PHACTR1: variants seen among roughly 807,000 people sequenced by gnomAD.
PHACTR1 encodes the protein RPEL repeat containing 1.
Under a neutral mutation model 69.2 loss-of-function variants are expected in PHACTR1, and 16 were observed. The observed-to-expected ratio is 0.23, with a 90% confidence interval of 0.16 to 0.35. The LOEUF is 0.35. PHACTR1 is among the 10% of genes least tolerant of loss of function. The pLI is 1.00. For missense variants in PHACTR1, 510 were observed against 734.7 expected (o/e 0.69, Z 3.54); for synonymous variants, 312 against 284.5 (o/e 1.10, Z -0.97).
chr6:12,977,390 A>T lies in PHACTR1; in HGVS notation c.251-75975A>T, dbSNP rs945155578. The stretch of plus-strand genomic sequence containing the variant: ...TTCTCTCTCTCTCTTTCACACACAC[A>T]CACACACACACACACAACACATTTA... On this transcript the variant is annotated intron_variant, in intron 4 of 14. Transcript: ENST00000332995. Among the ~76,000 whole-genome samples, 3 of 151,902 alleles carry T rather than the reference A, an allele frequency of 2.0e-5. No individual in the cohort carries two copies. In the East Asian group the frequency reaches 5.8e-4, roughly 29 times the overall value.
rs1767043629 is a variant in PHACTR1 at position 13,212,682 on chromosome 6, C to G, written c.986+6546C>G. The stretch of plus-strand genomic sequence containing the variant: ...TCCCCTCTCTGTTGCTCCCTCCTCC[C>G]TCACACAGCGGCCTTCCCACCATTC... On this transcript the variant is annotated intron_variant, in intron 8 of 14. Transcript: ENST00000332995. 2.0e-5 allele frequency among the ~76,000 whole-genome samples: 3 copies of G among 152,192 alleles called. No individual in the cohort carries two copies. The South Asian group carries it at 6.2e-4, about 32-fold the overall frequency.
chr6:12,800,533 A>AG (rs1197418800), intron 4 of PHACTR1, among the ~76,000 whole-genome samples: 2 of 152,158 alleles, frequency 1.3e-5, no homozygotes, highest in Non-Finnish European at 2.9e-5. Context: ...AGAGTTCATT[A>AG]GGGAAGTCAT....
chr6:13,053,064 C>A (rs1443665263), intron 4 of PHACTR1, among the ~76,000 whole-genome samples: 11 of 152,296 alleles, frequency 7.2e-5, no homozygotes. Context: ...GGTGGCCTCT[C>A]CCTGTTTTGG....
chr6:12,944,777 A>ATTTTTTTTTTTTTTTT (rs757721726), intron 4 of PHACTR1, among the ~76,000 whole-genome samples: 5 of 135,832 alleles, frequency 3.7e-5, no homozygotes, highest in African/African-American at 1.4e-4. Flanking sequence ...TTATTTATTT[A>ATTTTTTTTTTTTTTTT]TTTTTATTTA....
At chr6:12,757,382 AC>A (rs1157305962) in intron 4 of PHACTR1, among the ~76,000 whole-genome samples, 3 of 152,142 alleles carry the variant, frequency 2.0e-5, no homozygotes, top group African/African-American at 7.2e-5. Flanking sequence ...GATTTGGTGG[AC>A]CTTGCAAAGA....
chr6:12,772,728 G>T (rs1208466647), intron 4 of PHACTR1, among the ~76,000 whole-genome samples: 1 of 152,130 alleles, frequency 6.6e-6, no homozygotes, highest in East Asian at 1.9e-4. Context: ...TGTAAGATCC[G>T]CACTTCCGAC....
chr6:12,964,386 T>C, intron 4 of PHACTR1, among the ~76,000 whole-genome samples: 1 of 152,170 alleles, frequency 6.6e-6, no homozygotes, highest in East Asian at 1.9e-4. Context: ...GCTTTAGAGA[T>C]GTTTTTAACC....
chr6:13,171,790 G>A (rs1466776438), intron 6 of PHACTR1, among the ~76,000 whole-genome samples: 2 of 151,882 alleles, frequency 1.3e-5, no homozygotes, highest in African/African-American at 4.8e-5. Context: ...TTTTTAGATG[G>A]AGTTTCACTC....
intron 4 of PHACTR1, among the ~76,000 whole-genome samples, chr6:13,020,577 G>A (rs889009283): frequency 4.6e-5 from 7 of 152,174 alleles, no homozygotes; most frequent in Non-Finnish European, 7.3e-5. Flanking sequence ...AGGATGAATA[G>A]GGTTGGGCTG....
At chr6:12,856,438 A>G (rs1201277508) in intron 4 of PHACTR1, among the ~76,000 whole-genome samples, 1 of 151,960 alleles carries the variant, frequency 6.6e-6, no homozygotes, top group Admixed American at 6.5e-5. Context: ...TATTTTTAGT[A>G]GATGCGGTGT....
At chr6:13,212,042 T>C (rs1034030950) in intron 8 of PHACTR1, among the ~76,000 whole-genome samples, 3 of 152,330 alleles carry the variant, frequency 2.0e-5, no homozygotes, top group South Asian at 2.1e-4. Context: ...CTTCTTGGCT[T>C]GTAGGTGGTG....
At chr6:13,035,246 A>G (rs1803138180) in intron 4 of PHACTR1, among the ~76,000 whole-genome samples, 2 of 152,230 alleles carry the variant, frequency 1.3e-5, no homozygotes, top group South Asian at 4.1e-4. Context: ...TCCATTTTTC[A>G]TTAGACTGCC....
intron 4 of PHACTR1, among the ~76,000 whole-genome samples, chr6:12,908,365 T>C (rs936214387): frequency 3.3e-5 from 5 of 152,180 alleles, no homozygotes; most frequent in African/African-American, 4.8e-5. Flanking sequence ...CTGCCTATTA[T>C]AGATGAAGCA....
At chr6:13,120,495 C>A (rs1188667125) in intron 5 of PHACTR1, among the ~76,000 whole-genome samples, 1 of 152,190 alleles carries the variant, frequency 6.6e-6, no homozygotes, top group Non-Finnish European at 1.5e-5. Context: ...CCACTTCTGT[C>A]TTCACAGGGT....
intron 4 of PHACTR1, among the ~76,000 whole-genome samples, chr6:13,013,830 C>G (rs1582963850): frequency 6.8e-6 from 1 of 147,870 alleles, no homozygotes; most frequent in African/African-American, 2.5e-5. Flanking sequence ...CCGAGGGGCG[C>G]GAGTGGCAGC....
intron 7 of PHACTR1, 109 bp downstream of exon 7, chr6:13,182,795 C>T (rs774334153): frequency 5.7e-4 from 631 of 1,108,340 alleles, no homozygotes; most frequent in Non-Finnish European, 6.6e-4. Context: ...CTATCCTGAG[C>T]GTAAGGATCT....
chr6:12,844,751 GAA>G (rs916526476), intron 4 of PHACTR1, among the ~76,000 whole-genome samples: 2 of 149,908 alleles, frequency 1.3e-5, no homozygotes, highest in South Asian at 4.2e-4. Flanking sequence ...AAAGGTGAAA[GAA>G]AAAAAAAGAA....
At chr6:12,993,695 G>A (rs1389427020) in intron 4 of PHACTR1, among the ~76,000 whole-genome samples, 1 of 152,230 alleles carries the variant, frequency 6.6e-6, no homozygotes, top group Admixed American at 6.5e-5. Flanking sequence ...GGGGATCTCT[G>A]TAGAGGCAGG....
At chr6:12,864,822 G>A (rs138670504) in intron 4 of PHACTR1, among the ~76,000 whole-genome samples, 457 of 152,260 alleles carry the variant, frequency 3.0e-3, no homozygotes, top group Non-Finnish European at 5.2e-3. Flanking sequence ...ATGGACTAGA[G>A]CATAGTTTCC....
Sources: allele counts gnomAD v4.1 joint callset (sites outside exome capture counted in the v4.1 genomes callset), GRCh38; gene constraint gnomAD v4.1.1; transcripts MANE v1.5; gene names NCBI Gene and HGNC (gene_info 2026-07-23, HGNC 2026-07-21).